Variants in TTC29 observed in about 807,000 individuals in gnomAD.
TTC29 encodes the protein tetratricopeptide repeat protein 29.
TTC29 carries 49 observed loss-of-function variants against 58.1 expected under a neutral mutation model. The observed-to-expected ratio is 0.84, with a 90% CI of 0.67 to 1.07. TTC29 has a LOEUF of 1.07. Among genes scored for constraint, TTC29 ranks in the 50% least tolerant of loss-of-function variants. TTC29 has a pLI of 0.00. For missense variants in TTC29, 582 were observed against 555.6 expected (o/e 1.05, Z -0.48); for synonymous variants, 209 against 196.8 (o/e 1.06, Z -0.52).
intron 7 of TTC29, among the ~76,000 whole-genome samples, chr4:146,869,917 T>C (rs915639879): frequency 1.3e-5 from 2 of 151,930 alleles, no homozygotes; most frequent in African/African-American, 4.8e-5. Flanking sequence ...AAAGAAAAGG[T>C]TAGATCTAAA....
At chr4:146,772,437 A>G (rs561286497) in intron 11 of TTC29, among the ~76,000 whole-genome samples, 34 of 152,148 alleles carry the variant, frequency 2.2e-4, no homozygotes, top group Non-Finnish European at 4.1e-4. Context: ...TCCAGTTTCA[A>G]TCTCCTCCAT....
intron 8 of TTC29, among the ~76,000 whole-genome samples, chr4:146,861,039 A>C (rs72733711): frequency 0.11 from 16,173 of 152,164 alleles, 1,040 homozygotes; most frequent in East Asian, 0.2. Flanking sequence ...TTTTAAGTTA[A>C]ATTATTGCAA....
intron 10 of TTC29, among the ~76,000 whole-genome samples, chr4:146,804,855 G>A (rs1263274664): frequency 6.6e-6 from 1 of 152,216 alleles, no homozygotes; most frequent in Non-Finnish European, 1.5e-5. Context: ...AGAGAGCAGT[G>A]GATCTGCCAG....
chr4:146,909,264 C>T lies in TTC29; in HGVS notation c.177-15G>A. 1 of 1,569,004 alleles carries T rather than the reference C, an allele frequency of 6.4e-7. No homozygotes were observed. The highest frequency in any genetic ancestry group is 8.7e-7 in the Non-Finnish European group (1 of 1,145,742). ...AGTTCCTATAACTGGAAATATGAAT[C>T]AGAACACTCTCAGGTTTATGTTAAT... On this transcript the variant is annotated splice_polypyrimidine_tract_variant and intron_variant, in intron 4 of 12. Coordinates refer to ENST00000325106, the MANE Select transcript of TTC29 (RefSeq NM_031956.4).
chr4:146,797,683 T>C (rs1354854705), intron 11 of TTC29, among the ~76,000 whole-genome samples: 1 of 151,838 alleles, frequency 6.6e-6, no homozygotes, highest in African/African-American at 2.4e-5. Flanking sequence ...TATTTCTTTT[T>C]ATCACTGATT....
At chr4:146,812,798 G>A (rs1751111244) in intron 10 of TTC29, 1 of 152,144 alleles carries the variant, frequency 6.6e-6, no homozygotes, top group Non-Finnish European at 1.5e-5. Context: ...TGTACTTGTG[G>A]ATGTTTAATT....
chr4:146,930,084 CATAT>C (rs70958534), intron 4 of TTC29, among the ~76,000 whole-genome samples: 2,381 of 77,420 alleles, frequency 0.031, 67 homozygotes, highest in East Asian at 0.055. Flanking sequence ...TGTGTGTGTG[CATAT>C]ATATATATAT....
chr4:146,803,600 G>A lies in TTC29; in HGVS notation c.1187C>T (p.Thr396Ile), dbSNP rs373471731. The A allele has an allele frequency of 1.1e-5, 17 of 1,608,946 alleles. No homozygotes were observed. Among genetic ancestry groups the A allele is most frequent in the Non-Finnish European group, 1.1e-5 (13 of 1,177,440 alleles). The change falls in exon 11 of 13, where the codon ACA becomes ATA. Residue 396 changes from threonine (T) to isoleucine (I), a missense_variant. Coordinates refer to ENST00000325106, the MANE Select transcript of TTC29 (RefSeq NM_031956.4). ...ELMSMPLMDE[T>I]KVHYGIAKAH... ...TTTTGCTATTCCATAGTGAACTTTTGTCTCATCCATCAGAGGCATGCTCAT... is the reference window on the plus strand; with the variant it reads ...TTTTGCTATTCCATAGTGAACTTTTATCTCATCCATCAGAGGCATGCTCAT...
At chr4:146,824,593 G>T (rs1727638818) in intron 9 of TTC29, among the ~76,000 whole-genome samples, 3 of 152,022 alleles carry the variant, frequency 2.0e-5, no homozygotes, top group Admixed American at 1.3e-4. Flanking sequence ...TCCTGATTTT[G>T]GTATCAGGAT....
rs1038567641 is a variant in TTC29 at position 146,707,066 on chromosome 4, A to G, written c.*92T>C. The G allele has an allele frequency of 5.3e-6, 5 of 946,916 alleles. No homozygotes were observed. The African/African-American group carries it at 6.8e-5, about 13-fold the overall frequency. 58.7% of individuals were successfully genotyped at this position (946,916 alleles called of 1,614,324 possible). On this transcript the variant is annotated 3_prime_UTR_variant, in exon 13 of 13. Transcript: ENST00000325106. ...TCATAGTCCGTTTTATTATAACTCT[A>G]TATTATCTGTAACATGCTCCTATTA...
chr4:146,715,687 C>T (rs1214546540), intron 11 of TTC29, among the ~76,000 whole-genome samples: 1 of 152,000 alleles, frequency 6.6e-6, no homozygotes, highest in Non-Finnish European at 1.5e-5. Context: ...GGAATGAAGT[C>T]TGGTGTTCTG....
chr4:146,884,506 C>T (rs1315245260), intron 6 of TTC29, among the ~76,000 whole-genome samples: 1 of 152,024 alleles, frequency 6.6e-6, no homozygotes, highest in African/African-American at 2.4e-5. Context: ...TGGCTTTATT[C>T]CATGTTGTTA....
intron 4 of TTC29, among the ~76,000 whole-genome samples, chr4:146,917,548 A>G (rs1398008265): frequency 6.9e-6 from 1 of 145,904 alleles, no homozygotes; most frequent in Non-Finnish European, 1.5e-5. Context: ...TGTAAAATTT[A>G]TATAATTTAT....
chr4:146,920,171 A>G (rs1734487746), intron 4 of TTC29, among the ~76,000 whole-genome samples: 1 of 151,182 alleles, frequency 6.6e-6, no homozygotes, highest in African/African-American at 2.4e-5. Flanking sequence ...CAGAGTTTAG[A>G]AAATGAAGTT....
chr4:146,828,788 G>GA (rs1368931122), intron 9 of TTC29, among the ~76,000 whole-genome samples: 2 of 152,070 alleles, frequency 1.3e-5, no homozygotes, highest in African/African-American at 2.4e-5. Context: ...TAATGCTAGA[G>GA]AAAAAAGTCT....
At chr4:146,801,874 G>C (rs988983901) in intron 11 of TTC29, among the ~76,000 whole-genome samples, 3 of 148,956 alleles carry the variant, frequency 2.0e-5, no homozygotes, top group African/African-American at 7.4e-5. Flanking sequence ...AGCTCCTCAG[G>C]AGGCTGAAGC....
intron 10 of TTC29, among the ~76,000 whole-genome samples, chr4:146,807,867 G>A (rs1750722087): frequency 6.6e-6 from 1 of 152,064 alleles, no homozygotes; most frequent in South Asian, 2.1e-4. Flanking sequence ...GAAAAAGAGG[G>A]ACTTCTCCCT....
At chr4:146,772,323 C>T (rs1179675543) in intron 11 of TTC29, among the ~76,000 whole-genome samples, 2 of 151,988 alleles carry the variant, frequency 1.3e-5, no homozygotes, top group African/African-American at 2.4e-5. Flanking sequence ...AAATCTTTGC[C>T]AGGTCCTATG....
chr4:146,936,679 T>C (rs1466011249), intron 4 of TTC29, among the ~76,000 whole-genome samples: 1 of 152,080 alleles, frequency 6.6e-6, no homozygotes, highest in Admixed American at 6.5e-5. Context: ...CCATGTTATA[T>C]GCAAATTGAC....
Sources: gnomAD v4.1 joint callset for allele counts (sites outside exome capture counted in the v4.1 genomes callset) on GRCh38, gnomAD v4.1.1 for gene constraint, MANE v1.5 for transcripts, NCBI Gene and HGNC (gene_info 2026-07-23, HGNC 2026-07-21) for gene names.